Variants in MYH7B observed in about 807,000 individuals in gnomAD.
MYH7B encodes the protein myosin-7B.
In MYH7B, 205 loss-of-function variants were observed where a neutral mutation model predicts 234.5. The observed-to-expected ratio is 0.87, with a 90% CI of 0.78 to 0.98. MYH7B has a LOEUF of 0.98. Ranked by LOEUF, MYH7B falls within the 50% of genes least tolerant of loss-of-function variation. MYH7B has a pLI of 0.00. For synonymous variants in MYH7B, 1,193 were observed against 1,105.0 expected (o/e 1.08, Z -1.58); for missense variants, 2,652 against 2,633.4 (o/e 1.01, Z -0.15).
chr20:35,000,421 G>A lies in MYH7B; in HGVS notation c.4910G>A (p.Gly1637Asp). 2 of 1,601,340 alleles carry A rather than the reference G, an allele frequency of 1.2e-6. No individual in the cohort carries two copies. The highest frequency in any genetic ancestry group is 8.5e-7 in the Non-Finnish European group (1 of 1,179,966). Reference sequence around the variant, plus strand: ...CTCAACGACCTGGAGCTGCAGCTGGGCCATGCCACCCGTCAGGCCACAGAG... The same window carrying A: ...CTCAACGACCTGGAGCTGCAGCTGGACCATGCCACCCGTCAGGCCACAGAG... The change falls in exon 39 of 45, where the codon GGC becomes GAC. Residue 1637 changes from glycine (G) to aspartate (D), a missense_variant. By Grantham distance (94) the Gly-to-Asp change is moderately conservative. Around this residue, in one of 3 missense-constraint regions of MYH7B, gnomAD observed 2,279 missense variants for 2,211.4 expected, o/e 1.03. Coordinates refer to ENST00000262873, the Ensembl canonical transcript of MYH7B.
At chr20:34,972,231 C>A (rs941504133) in intron 2 of MYH7B, among the ~76,000 whole-genome samples, 3 of 152,170 alleles carry the variant, frequency 2.0e-5, no homozygotes, top group Admixed American at 2.0e-4. Context: ...GAATGATCTG[C>A]CTGTCCACCC....
In MYH7B at chr20:35,001,172, C is replaced by G; in HGVS notation, c.5475+14C>G. On this transcript the variant is annotated intron_variant, in intron 41 of 44. Transcript: ENST00000262873. Reference sequence around the variant, plus strand: ...CTGGAGGCCAAGGTGTGTGCAGCCCCTCTAGTCCTTGGCGCAGGCAGGGTG... The same window carrying G: ...CTGGAGGCCAAGGTGTGTGCAGCCCGTCTAGTCCTTGGCGCAGGCAGGGTG... 6.2e-7 allele frequency: 1 copy of G among 1,611,174 alleles called. No homozygotes were observed. Among genetic ancestry groups the G allele is most frequent in the Non-Finnish European group, 8.5e-7 (1 of 1,178,000 alleles).
In MYH7B at chr20:34,982,459, C is replaced by T. The variant is rs773450665; in HGVS notation, c.528C>T (p.Thr176=). 114 of 1,613,372 alleles carry T rather than the reference C, an allele frequency of 7.1e-5. 1 individual carries two copies. The highest frequency in any genetic ancestry group is 2.9e-4 in the East Asian group (13 of 44,844). ...GTGACTCATGTTTGTGTCGTCCAAG[C>T]GGAGAGTCGGGGGCCGGTAAGACGG... The change falls in exon 10 of 45, where the codon ACC becomes ACT. Residue 176 remains threonine (T), a splice_region_variant and synonymous_variant. Transcript: ENST00000262873.
chr20:34,986,600 A>G (rs542732777), intron 14 of MYH7B, among the ~76,000 whole-genome samples: 2 of 152,340 alleles, frequency 1.3e-5, no homozygotes, highest in Non-Finnish European at 2.9e-5. Context: ...AGCAACAGTC[A>G]AAAGATGAGT....
At chr20:34,962,243 A>C (rs1355750796) in intron 2 of MYH7B, among the ~76,000 whole-genome samples, 3 of 152,126 alleles carry the variant, frequency 2.0e-5, no homozygotes, top group Admixed American at 1.3e-4. Context: ...AATTATAATA[A>C]TGCTGCTATG....
In MYH7B at chr20:34,956,015, T is replaced by A. The variant is rs2081629595; in HGVS notation, c.-337+8T>A. 2 of 152,338 alleles carry A rather than the reference T, an allele frequency of 1.3e-5. No individual in the cohort carries two copies. The highest frequency in any genetic ancestry group is 1.5e-5 in the Non-Finnish European group (1 of 68,186). The allele number at this position is 152,338 out of a possible 1,614,324, so 9.4% of individuals were successfully genotyped here. A position where few individuals can be genotyped will look rare whatever the true frequency, so the allele number is the denominator to read the frequency against. On this transcript the variant is annotated splice_region_variant and intron_variant, in intron 1 of 44. Transcript: ENST00000262873. Reference sequence around the variant, plus strand: ...GTCGGCGGGGAGCTACGGGTATGCATAGCTCATAGAGCGTCAGAGCTGACG... The same window carrying A: ...GTCGGCGGGGAGCTACGGGTATGCAAAGCTCATAGAGCGTCAGAGCTGACG...
intron 13 of MYH7B, among the ~76,000 whole-genome samples, chr20:34,985,793 CCACACACG>C (rs1022403577): frequency 2.0e-5 from 3 of 152,034 alleles, no homozygotes; most frequent in African/African-American, 7.2e-5. Flanking sequence ...GGAGGCTCGG[CCACACACG>C]CACACACGCT....
At chr20:35,002,328 G>A (rs1182985983) in exon 45 of MYH7B, 1 of 924,816 alleles carries the variant, frequency 1.1e-6, no homozygotes, top group Non-Finnish European at 1.5e-6. Flanking sequence ...ACCACAGCCA[G>A]TTTCCTTCTC....
intron 2 of MYH7B, among the ~76,000 whole-genome samples, chr20:34,966,899 TG>T (rs1233564160): frequency 1.3e-5 from 2 of 151,070 alleles, no homozygotes; most frequent in Admixed American, 1.3e-4. Flanking sequence ...TACTCGAACA[TG>T]GGTAACAGTG....
exon 16 of MYH7B, chr20:34,987,226 T>C (rs778906707): frequency 6.2e-6 from 10 of 1,612,138 alleles, no homozygotes; most frequent in Admixed American, 3.3e-5. Context: ...TCCTGCACTT[T>C]GGCAACATGA....
rs2082205307 is a variant in MYH7B at position 34,994,025 on chromosome 20, G to A, written c.2445-121G>A. 6.9e-6 allele frequency: 9 copies of A among 1,307,306 alleles called. No individual in the cohort carries two copies. In the South Asian group the frequency reaches 1.3e-4, roughly 18 times the overall value. The allele number at this position is 1,307,306 out of a possible 1,614,324, so 81.0% of individuals were successfully genotyped here. A position where few individuals can be genotyped will look rare whatever the true frequency, so the allele number is the denominator to read the frequency against. On this transcript the variant is annotated intron_variant, in intron 26 of 44. Coordinates refer to ENST00000262873, the Ensembl canonical transcript of MYH7B. Reference sequence around the variant, plus strand: ...TCCCCTCACCCTCACCTATAAAGCAGAGCTATTAGGAGCTACTCCATGAGG... The same window carrying A: ...TCCCCTCACCCTCACCTATAAAGCAAAGCTATTAGGAGCTACTCCATGAGG...
At chr20:34,966,592 G>A (rs1174943562) in intron 2 of MYH7B, among the ~76,000 whole-genome samples, 1 of 152,144 alleles carries the variant, frequency 6.6e-6, no homozygotes, top group African/African-American at 2.4e-5. Flanking sequence ...AAGTCGTATA[G>A]AACTTAATAC....
intron 13 of MYH7B, 136 bp from the exon 14 acceptor site, chr20:34,985,964 C>T (rs2082014321): frequency 5.6e-6 from 4 of 712,760 alleles, no homozygotes; most frequent in Non-Finnish European, 9.9e-6. Flanking sequence ...GAGATACCCT[C>T]CCCACACAAG....
At chr20:34,979,407 G>A in exon 6 of MYH7B, 2 of 1,613,568 alleles carry the variant, frequency 1.2e-6, no homozygotes, top group Non-Finnish European at 1.7e-6. Flanking sequence ...GCGAGTCTGG[G>A]TGCCTGATGA....
At chr20:34,989,671 A>G in intron 19 of MYH7B, 69 bp from the exon 20 acceptor site, 1 of 1,473,792 alleles carries the variant, frequency 6.8e-7, no homozygotes, top group Non-Finnish European at 9.1e-7. Flanking sequence ...TGGCCTGGGG[A>G]ACCAGGGGTT....
intron 7 of MYH7B, chr20:34,980,279 T>C: frequency 2.8e-6 from 1 of 357,094 alleles, no homozygotes; most frequent in Non-Finnish European, 5.2e-6. Context: ...GAGAATGTGG[T>C]GGCCCATGCC....
chr20:34,990,906 A>T, intron 23 of MYH7B, 81 bp downstream of exon 23: 2 of 1,572,752 alleles, frequency 1.3e-6, no homozygotes, highest in South Asian at 2.2e-5. Context: ...GGCTGAGTAC[A>T]TCTTCCCCCT....
exon 7 of MYH7B, chr20:34,979,695 T>C (rs1455974261): frequency 1.2e-6 from 2 of 1,614,168 alleles, no homozygotes; most frequent in Non-Finnish European, 8.5e-7. Flanking sequence ...CTGCAGCCCA[T>C]GAACCCGCCT....
Position 35,001,953 on chromosome 20 carries a change from G to GC in MYH7B, c.5683dup (p.Gln1895ProfsTer18). ...GGCCCTGTGTGTGCCCCCAGGAGCA[G>GC]CAGGCCAACACCAACCTGGCCAAGT... On this transcript the variant is annotated frameshift_variant, in exon 44 of 45. Transcript: ENST00000262873. LOFTEE classifies it high-confidence loss of function. 6.2e-7 allele frequency: 1 copy of GC among 1,612,638 alleles called. No homozygotes were observed. The highest frequency in any genetic ancestry group is 8.5e-7 in the Non-Finnish European group (1 of 1,179,186).
Sources: gnomAD v4.1 joint callset for allele counts (sites outside exome capture counted in the v4.1 genomes callset) on GRCh38, gnomAD v4.1.1 for gene constraint, gnomAD v4.1.1 regional missense constraint, MANE v1.5 for transcripts, NCBI Gene and HGNC (gene_info 2026-07-23, HGNC 2026-07-21) for gene names.